CDH9: variants seen among roughly 807,000 people sequenced by gnomAD.
CDH9 encodes cadherin 9.
Under a neutral mutation model 70.9 loss-of-function variants are expected in CDH9, and 28 were observed. The ratio of observed to expected loss-of-function variants is 0.40; its 90% confidence interval spans 0.29 to 0.54. The LOEUF is 0.54. Ranked by LOEUF, CDH9 falls within the 20% of genes least tolerant of loss-of-function variation. CDH9 has a pLI of 0.59. For missense variants in CDH9, 874 were observed against 984.4 expected (o/e 0.89, Z 1.50); for synonymous variants, 409 against 343.1 (o/e 1.19, Z -2.12).
chr5:27,017,250 A>G (rs1743061686), intron 1 of CDH9, among the ~76,000 whole-genome samples: 1 of 151,994 alleles, frequency 6.6e-6, no homozygotes, highest in African/African-American at 2.4e-5. Context: ...GAGGTGACAG[A>G]AAGACTCATT....
intron 7 of CDH9, among the ~76,000 whole-genome samples, chr5:26,898,566 G>T (rs1000191237): frequency 1.2e-4 from 19 of 152,228 alleles, no homozygotes; most frequent in African/African-American, 4.3e-4. Context: ...AGCAAGAAAT[G>T]GGGAAAGGAT....
At chr5:26,905,406 T>C (rs1045488882) in intron 5 of CDH9, among the ~76,000 whole-genome samples, 9 of 152,086 alleles carry the variant, frequency 5.9e-5, no homozygotes, top group African/African-American at 1.9e-4. Context: ...ACCATAACTC[T>C]ATGGGCCACT....
chr5:26,931,021 C>T (rs890624882), intron 2 of CDH9, among the ~76,000 whole-genome samples: 2 of 152,014 alleles, frequency 1.3e-5, no homozygotes, highest in African/African-American at 2.4e-5. Flanking sequence ...AATGTATTTC[C>T]ACTATAAAGA....
At chr5:27,007,297 C>T (rs934680074) in intron 1 of CDH9, among the ~76,000 whole-genome samples, 1 of 152,070 alleles carries the variant, frequency 6.6e-6, no homozygotes, top group Non-Finnish European at 1.5e-5. Flanking sequence ...TCAGCCCAAA[C>T]TGTTAGCCAG....
chr5:26,965,074 T>C (rs972378438), intron 2 of CDH9, among the ~76,000 whole-genome samples: 2 of 152,166 alleles, frequency 1.3e-5, no homozygotes, highest in African/African-American at 2.4e-5. Context: ...GGTCTCTTAC[T>C]GATTTTACAA....
At position 26,921,493 on chromosome 5, in the gene CDH9, G is replaced by A. The variant is rs116492123; in HGVS notation, c.229-5569C>T. On this transcript the variant is annotated intron_variant, in intron 2 of 11. Coordinates refer to ENST00000231021, the MANE Select transcript of CDH9 (RefSeq NM_016279.4). ...ACTGAGAATCCCACCATCCTGGGAC[G>A]GGAACTAGGTAAGGACTAAAGCACA... Among the ~76,000 whole-genome samples, 594 of 152,170 alleles carry A rather than the reference G, an allele frequency of 3.9e-3. 7 individuals are homozygous for A. Among genetic ancestry groups the A allele is most frequent in the African/African-American group, 0.014 (568 of 41,532 alleles).
At chr5:26,904,809 T>C (rs1187231100) in intron 5 of CDH9, among the ~76,000 whole-genome samples, 1 of 152,096 alleles carries the variant, frequency 6.6e-6, no homozygotes, top group African/African-American at 2.4e-5. Flanking sequence ...AATTCACTCA[T>C]AGGTTTGTTT....
intron 2 of CDH9, among the ~76,000 whole-genome samples, chr5:26,976,154 T>A (rs972658665): frequency 2.6e-5 from 4 of 152,164 alleles, no homozygotes; most frequent in Non-Finnish European, 4.4e-5. Context: ...TTAGTGTGAA[T>A]TTGAGAGTGC....
At chr5:26,982,632 T>G (rs1239033144) in intron 2 of CDH9, among the ~76,000 whole-genome samples, 1 of 152,170 alleles carries the variant, frequency 6.6e-6, no homozygotes, top group Non-Finnish European at 1.5e-5. Context: ...GGAGACAATG[T>G]AGAAGATGTA....
chr5:26,905,327 C>T (rs1472850140), intron 5 of CDH9, among the ~76,000 whole-genome samples: 1 of 152,010 alleles, frequency 6.6e-6, no homozygotes. Flanking sequence ...CTGATGTAAT[C>T]TTCATAACTT....
chr5:26,897,187 A>G (rs533631184), intron 7 of CDH9, among the ~76,000 whole-genome samples: 22 of 152,182 alleles, frequency 1.4e-4, no homozygotes, highest in African/African-American at 5.3e-4. Flanking sequence ...ATAACCTACC[A>G]ACAAAAAAAA....
chr5:26,997,610 CTA>C (rs1742688265), intron 1 of CDH9, among the ~76,000 whole-genome samples: 1 of 152,150 alleles, frequency 6.6e-6, no homozygotes, highest in Non-Finnish European at 1.5e-5. Flanking sequence ...AGAAAGCTGT[CTA>C]TGGTCCTGAC....
chr5:27,024,478 G>C (rs1212360810), intron 1 of CDH9, among the ~76,000 whole-genome samples: 1 of 151,936 alleles, frequency 6.6e-6, no homozygotes, highest in African/African-American at 2.4e-5. Context: ...ACCTTCCTAA[G>C]AGTCTAGGCA....
chr5:26,936,094 G>A (rs947495806), intron 2 of CDH9, among the ~76,000 whole-genome samples: 1 of 150,096 alleles, frequency 6.7e-6, no homozygotes, highest in African/African-American at 2.5e-5. Context: ...TTGAGGATTT[G>A]GTGGGGAAGA....
Position 26,915,698 on chromosome 5 carries a change from A to G in CDH9, c.455T>C (p.Ile152Thr). Reference protein sequence around the residue: ...ESEFIIKIHDINDNEPKFTKD... With the variant: ...ESEFIIKIHDTNDNEPKFTKD... ...TGTAAATTTTGGCTCATTGTCATTG[A>G]TATCATGTATTTTAATGATAAATTC... The change falls in exon 3 of 12, where the codon ATC becomes ACC. Residue 152 changes from isoleucine to threonine, a missense_variant. Coordinates refer to ENST00000231021, the MANE Select transcript of CDH9 (RefSeq NM_016279.4). 6.2e-7 allele frequency: 1 copy of G among 1,610,836 alleles called. No individual in the cohort carries two copies. Among genetic ancestry groups the G allele is most frequent in the Non-Finnish European group, 8.5e-7 (1 of 1,177,056 alleles).
chr5:26,987,660 C>T (rs1742510633), intron 2 of CDH9, among the ~76,000 whole-genome samples: 1 of 151,948 alleles, frequency 6.6e-6, no homozygotes. Context: ...TTGTCTTTAT[C>T]CTTCTGCCTT....
At chr5:26,928,095 A>G (rs888217951) in intron 2 of CDH9, among the ~76,000 whole-genome samples, 1 of 152,042 alleles carries the variant, frequency 6.6e-6, no homozygotes, top group African/African-American at 2.4e-5. Flanking sequence ...ATTTTGAAAA[A>G]CCTAAAGACC....
intron 3 of CDH9, among the ~76,000 whole-genome samples, chr5:26,911,397 C>A: frequency 1.3e-5 from 2 of 152,160 alleles, no homozygotes; most frequent in African/African-American, 4.8e-5. Context: ...ATTGAATCCA[C>A]ACATAGTGAA....
At chr5:27,024,598 A>G (rs1247850840) in intron 1 of CDH9, among the ~76,000 whole-genome samples, 1 of 152,122 alleles carries the variant, frequency 6.6e-6, no homozygotes, top group Non-Finnish European at 1.5e-5. Flanking sequence ...TATTTGAGTG[A>G]ATGTAATAAT....
Sources: gnomAD v4.1 joint callset for allele counts (sites outside exome capture counted in the v4.1 genomes callset) on GRCh38, gnomAD v4.1.1 for gene constraint, MANE v1.5 for transcripts, NCBI Gene and HGNC (gene_info 2026-07-23, HGNC 2026-07-21) for gene names.